The following REDIC1 variants were observed in gnomAD, a reference collection of about 807,000 sequenced individuals.
REDIC1 encodes the protein regulator of DNA class I crossover intermediates 1, also known as HEI10 Interacting Protein 1.
chr12:39,800,006 T>A, the REDIC1 span, among the ~76,000 whole-genome samples: 1 of 152,178 alleles, frequency 6.6e-6, no homozygotes, highest in African/African-American at 2.4e-5. Flanking sequence ...GATGTCTACC[T>A]TTTTTTGCAG....
the REDIC1 span, among the ~76,000 whole-genome samples, chr12:39,739,373 TAGTC>T: frequency 6.6e-6 from 1 of 152,326 alleles, no homozygotes; most frequent in East Asian, 1.9e-4. Flanking sequence ...TTCAGTCACT[TAGTC>T]AGTAAACAAT....
chr12:39,732,721 ATAAT>A, the REDIC1 span, among the ~76,000 whole-genome samples: 1 of 152,206 alleles, frequency 6.6e-6, no homozygotes, highest in South Asian at 2.1e-4. Context: ...TTTTCTTAAT[ATAAT>A]TAATTATGAA....
chr12:39,769,351 A>AAAACCAGG, the REDIC1 span, among the ~76,000 whole-genome samples: 2 of 152,226 alleles, frequency 1.3e-5, no homozygotes, highest in African/African-American at 4.8e-5. Context: ...AAAATAAAAT[A>AAAACCAGG]AAACCAGGAA....
the REDIC1 span, among the ~76,000 whole-genome samples, chr12:39,891,209 C>T: frequency 6.6e-6 from 1 of 150,490 alleles, no homozygotes; most frequent in Admixed American, 6.7e-5. Context: ...GTCTCTCCAT[C>T]ATTATTTCCA....
At chr12:39,742,619 C>T in the REDIC1 span, among the ~76,000 whole-genome samples, 1 of 152,076 alleles carries the variant, frequency 6.6e-6, no homozygotes, top group African/African-American at 2.4e-5. Context: ...CCAGTAGTTT[C>T]TCCTGGTAGA....
At chr12:39,704,696 G>T in the REDIC1 span, among the ~76,000 whole-genome samples, 1 of 152,142 alleles carries the variant, frequency 6.6e-6, no homozygotes, top group Admixed American at 6.5e-5. Flanking sequence ...TGATAGACTA[G>T]ATTAAGAAAA....
At chr12:39,886,921 G>A in the REDIC1 span, among the ~76,000 whole-genome samples, 23 of 152,234 alleles carry the variant, frequency 1.5e-4, no homozygotes, top group Middle Eastern at 3.4e-3. Context: ...TGTGTTTTGC[G>A]TATGTTAAAT....
the REDIC1 span, among the ~76,000 whole-genome samples, chr12:39,856,082 T>C: frequency 6.6e-6 from 1 of 152,186 alleles, no homozygotes; most frequent in Non-Finnish European, 1.5e-5. Context: ...GCTTGGATGC[T>C]TCCTAAATCA....
chr12:39,892,893 C>T, the REDIC1 span, among the ~76,000 whole-genome samples: 18 of 152,026 alleles, frequency 1.2e-4, no homozygotes, highest in Admixed American at 4.6e-4. Flanking sequence ...AATTGTAGAG[C>T]TTTAACACTG....
At chr12:39,875,970 G>T in the REDIC1 span, among the ~76,000 whole-genome samples, 1 of 152,102 alleles carries the variant, frequency 6.6e-6, no homozygotes, top group African/African-American at 2.4e-5. Context: ...ATGCATAAAA[G>T]AACAATATGA....
the REDIC1 span, among the ~76,000 whole-genome samples, chr12:39,807,201 C>T: frequency 2.6e-5 from 4 of 152,164 alleles, no homozygotes; most frequent in Non-Finnish European, 4.4e-5. Context: ...AAGGACAGGG[C>T]CACGTAGGAT....
At chr12:39,714,072 C>CGT in the REDIC1 span, among the ~76,000 whole-genome samples, 2 of 7,778 alleles carry the variant, frequency 2.6e-4, 1 homozygote, top group South Asian at 5.6e-3. Context: ...TGTGTATATA[C>CGT]GTGTATATAC....
At chr12:39,896,249 CATGT>C in the REDIC1 span, among the ~76,000 whole-genome samples, 1 of 92,518 alleles carries the variant, frequency 1.1e-5, no homozygotes, top group African/African-American at 4.0e-5. Flanking sequence ...TATATGTATA[CATGT>C]ATGTATATGT....
the REDIC1 span, among the ~76,000 whole-genome samples, chr12:39,706,308 A>G: frequency 3.3e-5 from 5 of 152,066 alleles, no homozygotes; most frequent in South Asian, 1.0e-3. Flanking sequence ...GACTTTGAAG[A>G]GGACACCAAA....
chr12:39,702,976 C>G, the REDIC1 span, among the ~76,000 whole-genome samples: 2 of 152,160 alleles, frequency 1.3e-5, no homozygotes, highest in East Asian at 1.9e-4. Context: ...CAGCCAGTAT[C>G]ATACTGAATG....
At chr12:39,704,830 C>A in the REDIC1 span, among the ~76,000 whole-genome samples, 2 of 151,944 alleles carry the variant, frequency 1.3e-5, no homozygotes, top group African/African-American at 2.4e-5. Context: ...GAACAAAAAA[C>A]CAAACACCGC....
chr12:39,759,487 T>C, the REDIC1 span: 2 of 152,990 alleles, frequency 1.3e-5, no homozygotes, highest in Non-Finnish European at 2.9e-5. Context: ...TGTGCCCTTG[T>C]AGGAGGCACT....
chr12:39,896,141 C>T, the REDIC1 span, among the ~76,000 whole-genome samples: 2 of 141,372 alleles, frequency 1.4e-5, no homozygotes, highest in Admixed American at 7.1e-5. Context: ...TACACGTGTA[C>T]CTATATATGT....
At chr12:39,767,782 T>C in the REDIC1 span, among the ~76,000 whole-genome samples, 1 of 152,080 alleles carries the variant, frequency 6.6e-6, no homozygotes, top group Admixed American at 6.6e-5. Context: ...GTTCTCATGA[T>C]TGTGAGTGAG....
Sources: gnomAD v4.1 joint callset for allele counts (sites outside exome capture counted in the v4.1 genomes callset) on GRCh38, gnomAD v4.1.1 for gene constraint, MANE v1.5 for transcripts, NCBI Gene and HGNC (gene_info 2026-07-23, HGNC 2026-07-21) for gene names.